Variants in TENM2 observed in about 807,000 individuals in gnomAD.
TENM2 encodes the protein teneurin transmembrane protein 2.
TENM2 carries 52 observed loss-of-function variants against 245.2 expected under a neutral mutation model. That is an observed-to-expected ratio of 0.21 (90% confidence interval 0.17 to 0.27). The LOEUF (loss-of-function observed/expected upper bound fraction) is 0.27. Ranked by LOEUF, TENM2 falls within the 10% of genes least tolerant of loss-of-function variation. TENM2 has a pLI of 1.00. For synonymous variants in TENM2, 1,363 were observed against 1,438.9 expected, an observed-to-expected ratio of 0.95 and a Z score of 1.19; for missense variants, 3,046 against 3,666.8, an observed-to-expected ratio of 0.83 and a Z score of 4.37.
chr5:167,776,784 T>C (rs557318695), intron 2 of TENM2, among the ~76,000 whole-genome samples: 100 of 152,058 alleles, frequency 6.6e-4, no homozygotes, highest in Middle Eastern at 6.8e-3. Flanking sequence ...TGATTTTCTA[T>C]TTCGGTTCTT....
At chr5:167,872,554 G>GAA (rs1285980527) in intron 2 of TENM2, among the ~76,000 whole-genome samples, 2 of 58,510 alleles carry the variant, frequency 3.4e-5, no homozygotes, top group Admixed American at 1.7e-4. Flanking sequence ...GAAAGAGAAA[G>GAA]AAAGAAAGAA....
intron 2 of TENM2, among the ~76,000 whole-genome samples, chr5:167,646,705 C>T (rs888763459): frequency 1.3e-5 from 2 of 151,404 alleles, no homozygotes; most frequent in Non-Finnish European, 2.9e-5. Context: ...TTCCATATGT[C>T]CCCCCATCTT....
intron 2 of TENM2, among the ~76,000 whole-genome samples, chr5:167,392,208 A>G (rs538956081): frequency 6.6e-6 from 1 of 152,316 alleles, no homozygotes; most frequent in East Asian, 1.9e-4. Flanking sequence ...GGGTCACAGG[A>G]ACAAAAATAA....
intron 7 of TENM2, among the ~76,000 whole-genome samples, chr5:168,063,118 G>A (rs1054602387): frequency 6.6e-6 from 1 of 152,140 alleles, no homozygotes; most frequent in Non-Finnish European, 1.5e-5. Context: ...CTGTTCAGAT[G>A]TTCTGGTTAT....
intron 2 of TENM2, among the ~76,000 whole-genome samples, chr5:167,517,453 A>C (rs890905544): frequency 6.6e-6 from 1 of 152,188 alleles, no homozygotes; most frequent in African/African-American, 2.4e-5. Context: ...TGGTCTCAGA[A>C]GGGTGAAATT....
At chr5:167,636,216 T>G (rs549174465) in intron 2 of TENM2, among the ~76,000 whole-genome samples, 3 of 152,318 alleles carry the variant, frequency 2.0e-5, no homozygotes, top group Non-Finnish European at 4.4e-5. Context: ...TTATGGAACA[T>G]TCTAAGTATT....
intron 2 of TENM2, among the ~76,000 whole-genome samples, chr5:167,390,303 T>C (rs755464793): frequency 6.6e-6 from 1 of 152,220 alleles, no homozygotes; most frequent in Non-Finnish European, 1.5e-5. Context: ...TGTCAGCTAT[T>C]GTTTGGAATG....
In TENM2 at chr5:168,245,958, C is replaced by T. The variant is rs1195712950; in HGVS notation, c.5818-799C>T. 3.9e-5 allele frequency among the ~76,000 whole-genome samples: 6 copies of T among 151,984 alleles called. 1 individual carries two copies. The highest frequency in any genetic ancestry group is 1.3e-4 in the Admixed American group (2 of 15,228). On this transcript the variant is annotated intron_variant, in intron 26 of 28. Transcript: ENST00000518659. ...CTTCAAAATGCAGGATGTGGCTGGG[C>T]GCAATGGCTCACACCTGTAATCCCA... is the stretch of plus-strand genomic sequence containing the variant.
chr5:167,507,815 T>C lies in TENM2; in HGVS notation c.502+132342T>C, dbSNP rs115059027. ...ATTACCATGGAATGTGAATTTCTTTTTCCTCTTGTTTTGTTTTCTTTCTTT... is the reference window on the plus strand; with the variant it reads ...ATTACCATGGAATGTGAATTTCTTTCTCCTCTTGTTTTGTTTTCTTTCTTT... On this transcript the variant is annotated intron_variant, in intron 2 of 28. Transcript: ENST00000518659. Among the ~76,000 whole-genome samples, 1,177 of 152,328 alleles carry C rather than the reference T, an allele frequency of 7.7e-3. 22 individuals are homozygous for C. The highest frequency in any genetic ancestry group is 0.027 in the African/African-American group (1,127 of 41,566).
chr5:167,052,772 T>G, the TENM2 span, among the ~76,000 whole-genome samples: 1 of 152,238 alleles, frequency 6.6e-6, no homozygotes, highest in South Asian at 2.1e-4. Context: ...TTTTCTTTTT[T>G]TTTTTTCCCC....
At chr5:167,088,819 TAA>T in the TENM2 span, among the ~76,000 whole-genome samples, 1 of 152,070 alleles carries the variant, frequency 6.6e-6, no homozygotes, top group African/African-American at 2.4e-5. Flanking sequence ...ACAGAAAACT[TAA>T]GAGGTAATTA....
chr5:167,865,921 G>C (rs1192704308), intron 2 of TENM2, among the ~76,000 whole-genome samples: 1 of 152,208 alleles, frequency 6.6e-6, no homozygotes, highest in African/African-American at 2.4e-5. Context: ...ATACATGTTG[G>C]TGGAGTAAAT....
chr5:168,211,856 T>A (rs1762825807), intron 20 of TENM2, 102 bp downstream of exon 22: 1 of 698,100 alleles, frequency 1.4e-6, no homozygotes, highest in Admixed American at 3.5e-5. Flanking sequence ...TGTATATTTT[T>A]ATGTACCAAA....
chr5:166,982,072 A>G, the TENM2 span, among the ~76,000 whole-genome samples: 1 of 152,176 alleles, frequency 6.6e-6, no homozygotes, highest in African/African-American at 2.4e-5. Context: ...AAATAATACT[A>G]TCATCTTGAT....
chr5:167,928,539 G>A (rs1376115815), intron 3 of TENM2, among the ~76,000 whole-genome samples: 1 of 152,088 alleles, frequency 6.6e-6, no homozygotes, highest in Non-Finnish European at 1.5e-5. Context: ...AGTTATTACT[G>A]AAGGAGGGCG....
At chr5:167,693,523 C>A (rs1044895737) in intron 2 of TENM2, among the ~76,000 whole-genome samples, 3 of 151,092 alleles carry the variant, frequency 2.0e-5, no homozygotes, top group African/African-American at 7.3e-5. Context: ...GAGGAATAGT[C>A]TCATTGGATA....
intron 5 of TENM2, among the ~76,000 whole-genome samples, chr5:168,004,506 T>G: frequency 1.0e-5 from 1 of 97,688 alleles, no homozygotes; most frequent in East Asian, 4.0e-4. Flanking sequence ...GATGCACGCA[T>G]GCGCGCGCGC....
At chr5:168,199,803 G>T in intron 16 of TENM2, 61 bp from the exon 19 acceptor site, 2 of 1,554,784 alleles carry the variant, frequency 1.3e-6, no homozygotes, top group Non-Finnish European at 1.7e-6. Flanking sequence ...CAGTATCGGG[G>T]TTACAGTTTA....
At chr5:167,931,810 GC>G (rs1778310850) in intron 3 of TENM2, among the ~76,000 whole-genome samples, 1 of 152,190 alleles carries the variant, frequency 6.6e-6, no homozygotes, top group Non-Finnish European at 1.5e-5. Flanking sequence ...GAGCCCTTAT[GC>G]CTTTTCCCTT....
Sources: allele counts gnomAD v4.1 joint callset (sites outside exome capture counted in the v4.1 genomes callset), GRCh38; gene constraint gnomAD v4.1.1; transcripts MANE v1.5; gene names NCBI Gene and HGNC (gene_info 2026-07-23, HGNC 2026-07-21).